NAV3: variants seen among roughly 807,000 people sequenced by gnomAD.
The protein encoded by NAV3 is neuron navigator 3.
Under a neutral mutation model 244.7 loss-of-function variants are expected in NAV3, and 87 were observed. The observed-to-expected ratio is 0.36, with a 90% CI of 0.30 to 0.42. The LOEUF is 0.42. Among genes scored for constraint, NAV3 ranks in the 20% least tolerant of loss-of-function variants. NAV3 has a pLI of 1.00. For missense variants in NAV3, 2,663 were observed against 2,893.3 expected (o/e 0.92, Z 1.83); for synonymous variants, 1,126 against 1,042.2 (o/e 1.08, Z -1.55).
In NAV3 at chr12:78,177,608, A is replaced by T. The variant is rs769098907; in HGVS notation, c.5298-12A>T. On this transcript the variant is annotated splice_polypyrimidine_tract_variant and intron_variant, in intron 27 of 39. Transcript: ENST00000397909. Reference sequence around the variant, plus strand: ...TTTGTCCATGTATCTGTCTAACTGTATGTACATACAGGTCACCCCTTGTCT... The same window carrying T: ...TTTGTCCATGTATCTGTCTAACTGTTTGTACATACAGGTCACCCCTTGTCT... The T allele has an allele frequency of 1.3e-6, 2 of 1,596,166 alleles. No individual in the cohort carries two copies. The highest frequency in any genetic ancestry group is 3.3e-5 in the Admixed American group (2 of 59,918).
chr12:78,039,213 A>G (rs560846972), intron 9 of NAV3, among the ~76,000 whole-genome samples: 1 of 152,274 alleles, frequency 6.6e-6, no homozygotes, highest in African/African-American at 2.4e-5. Context: ...TGTTGAATAT[A>G]TCTACGCCCA....
intron 2 of NAV3, among the ~76,000 whole-genome samples, chr12:77,683,560 T>C (rs1874570008): frequency 6.6e-6 from 1 of 152,162 alleles, no homozygotes; most frequent in African/African-American, 2.4e-5. Context: ...CCGTGAAAAA[T>C]GTCATTGGAA....
chr12:77,760,900 T>G (rs1421909198), intron 2 of NAV3, among the ~76,000 whole-genome samples: 1 of 152,078 alleles, frequency 6.6e-6, no homozygotes, highest in Non-Finnish European at 1.5e-5. Flanking sequence ...TTCTAGAAAA[T>G]AAAATTAATG....
At chr12:77,757,651 T>G (rs919392669) in intron 2 of NAV3, among the ~76,000 whole-genome samples, 1 of 152,220 alleles carries the variant, frequency 6.6e-6, no homozygotes, top group African/African-American at 2.4e-5. Flanking sequence ...CCTTTTATGA[T>G]TCCAAATTTC....
chr12:77,651,405 A>G (rs1036357420), intron 2 of NAV3, among the ~76,000 whole-genome samples: 30 of 152,064 alleles, frequency 2.0e-4, no homozygotes, highest in Admixed American at 8.5e-4. Flanking sequence ...TTACTCCCCA[A>G]ATATTTTCCC....
chr12:77,644,948 C>T (rs1487202569), intron 2 of NAV3, among the ~76,000 whole-genome samples: 4 of 151,944 alleles, frequency 2.6e-5, no homozygotes, highest in Non-Finnish European at 1.5e-5. Context: ...AATACCAAAA[C>T]GATTAAGTTC....
chr12:77,596,707 A>G (rs1033296600), intron 2 of NAV3, among the ~76,000 whole-genome samples: 1 of 152,302 alleles, frequency 6.6e-6, no homozygotes, highest in Admixed American at 6.5e-5. Context: ...AATCAATTAA[A>G]TGAAAGAAGT....
chr12:78,091,962 T>C (rs1287067665), intron 12 of NAV3, among the ~76,000 whole-genome samples: 1 of 152,158 alleles, frequency 6.6e-6, no homozygotes, highest in Non-Finnish European at 1.5e-5. Flanking sequence ...GTTGTCATAA[T>C]GGAAAGAACG....
At chr12:78,132,004 A>G (rs1193791382) in intron 18 of NAV3, among the ~76,000 whole-genome samples, 1 of 152,176 alleles carries the variant, frequency 6.6e-6, no homozygotes, top group Non-Finnish European at 1.5e-5. Context: ...GTATTTTTGA[A>G]GTACAAAACT....
intron 20 of NAV3, chr12:78,145,159 A>G (rs890516927): frequency 4.6e-5 from 9 of 194,552 alleles, no homozygotes; most frequent in Non-Finnish European, 9.7e-5. Flanking sequence ...TTAAAAATCT[A>G]AAATTGAGAT....
rs140235158 is a variant in NAV3 at position 78,085,243 on chromosome 12, T to A, written c.2636+26128T>A. On this transcript the variant is annotated intron_variant, in intron 12 of 39. Transcript: ENST00000397909. ...TTATTCACAATACATGGCACAGCTG[T>A]GAATTACCTGCTGTGGCTTGACTTT... 2.2e-3 allele frequency among the ~76,000 whole-genome samples: 335 copies of A among 152,262 alleles called. 3 individuals carry two copies. The highest frequency in any genetic ancestry group is 7.8e-3 in the African/African-American group (324 of 41,560).
At chr12:77,764,171 T>TTA (rs1235627132) in intron 2 of NAV3, among the ~76,000 whole-genome samples, 1 of 152,264 alleles carries the variant, frequency 6.6e-6, no homozygotes, top group Non-Finnish European at 1.5e-5. Context: ...TGCAGTTCTC[T>TTA]TATATGTGTT....
At chr12:77,817,549 T>A (rs1276685515) in intron 2 of NAV3, among the ~76,000 whole-genome samples, 1 of 152,178 alleles carries the variant, frequency 6.6e-6, no homozygotes, top group Non-Finnish European at 1.5e-5. Context: ...GCTTTTTTTT[T>A]TAAACTGCAG....
intron 1 of NAV3, among the ~76,000 whole-genome samples, chr12:77,904,147 A>G (rs1885663238): frequency 6.6e-6 from 1 of 152,224 alleles, no homozygotes; most frequent in Admixed American, 6.5e-5. Context: ...ATTACTGGGT[A>G]TATATCCAAA....
chr12:77,668,203 A>G (rs985717745), intron 2 of NAV3, among the ~76,000 whole-genome samples: 9 of 152,290 alleles, frequency 5.9e-5, no homozygotes, highest in African/African-American at 2.2e-4. Context: ...AAAACATTCT[A>G]GTAATATGAC....
intron 2 of NAV3, among the ~76,000 whole-genome samples, chr12:77,771,052 G>C (rs991747584): frequency 1.1e-4 from 17 of 151,992 alleles, no homozygotes; most frequent in African/African-American, 2.2e-4. Context: ...ACAATGAACT[G>C]AAACAAATTT....
intron 24 of NAV3, among the ~76,000 whole-genome samples, chr12:78,173,481 C>G (rs560408525): frequency 7.3e-5 from 11 of 151,702 alleles, no homozygotes; most frequent in Middle Eastern, 3.4e-3. Context: ...AATGCTACTT[C>G]TTTTTCAAAA....
chr12:78,039,787 A>G (rs574548132), intron 9 of NAV3, among the ~76,000 whole-genome samples: 8 of 151,880 alleles, frequency 5.3e-5, no homozygotes, highest in African/African-American at 1.9e-4. Flanking sequence ...TTTTTTCTCT[A>G]CTAAGAACAC....
At chr12:77,703,660 C>A (rs1875661463) in intron 2 of NAV3, among the ~76,000 whole-genome samples, 1 of 152,102 alleles carries the variant, frequency 6.6e-6, no homozygotes, top group Admixed American at 6.5e-5. Context: ...GGTTCAAATT[C>A]CCTCCCAAGG....
Sources: gnomAD v4.1 joint callset for allele counts (sites outside exome capture counted in the v4.1 genomes callset) on GRCh38, gnomAD v4.1.1 for gene constraint, MANE v1.5 for transcripts, NCBI Gene and HGNC (gene_info 2026-07-23, HGNC 2026-07-21) for gene names.